Variants in PNPT1 observed in about 807,000 individuals in gnomAD.
PNPT1 encodes polyribonucleotide nucleotidyltransferase 1.
Under a neutral mutation model 119.5 loss-of-function variants are expected in PNPT1, and 53 were observed. The observed-to-expected ratio is 0.44, with a 90% CI of 0.36 to 0.56. The LOEUF is 0.56. PNPT1 is among the 20% of genes least tolerant of loss of function. PNPT1 has a pLI of 0.00. For synonymous variants in PNPT1, 357 were observed against 322.1 expected, an observed-to-expected ratio of 1.11 and a Z score of -1.16; for missense variants, 948 against 938.5, an observed-to-expected ratio of 1.01 and a Z score of -0.13.
chr2:55,640,624 T>C lies in PNPT1; in HGVS notation c.2148+3A>G. ...ATAATAACAATAACATCTGTCTTTT[T>C]ACCTTTCGTTGATCAAGTTGTGTGT... is the stretch of plus-strand genomic sequence containing the variant. On this transcript the variant is annotated splice_donor_region_variant and intron_variant, in intron 26 of 27. Coordinates refer to ENST00000447944, the MANE Select transcript of PNPT1 (RefSeq NM_033109.5). The C allele has an allele frequency of 6.4e-7, 1 of 1,570,878 alleles. No individual in the cohort carries two copies. The highest frequency in any genetic ancestry group is 8.8e-7 in the Non-Finnish European group (1 of 1,142,006).
chr2:55,646,983 G>A (rs1378437234), intron 19 of PNPT1, among the ~76,000 whole-genome samples: 4 of 152,062 alleles, frequency 2.6e-5, no homozygotes, highest in African/African-American at 7.2e-5. Context: ...TTACAGGTGT[G>A]TGCCACCATG....
chr2:55,682,319 G>T (rs916853013), intron 5 of PNPT1, among the ~76,000 whole-genome samples: 10 of 151,642 alleles, frequency 6.6e-5, no homozygotes, highest in African/African-American at 2.4e-4. Context: ...AATTAGCCAG[G>T]TGTGGTGGCA....
In PNPT1 at chr2:55,646,268, G is replaced by C; in HGVS notation, c.1729C>G (p.Gln577Glu). Residue 577 changes from glutamine (Q) to glutamate (E), a missense_variant, in exon 21 of 28, where the codon CAA (glutamine) becomes GAA (glutamate). Transcript: ENST00000447944. ...PIKIVMEAIQ[Q>E]ASVAKKEILQ... ...AAGCACACTAGCTCACCTGAAGCTT[G>C]TTGAATAGCCTCCATCACAATTTTT... is the stretch of plus-strand genomic sequence containing the variant. 2 of 1,612,912 alleles carry C rather than the reference G, an allele frequency of 1.2e-6. No individual in the cohort carries two copies. Among genetic ancestry groups the C allele is most frequent in the Non-Finnish European group, 1.7e-6 (2 of 1,179,126 alleles).
At chr2:55,679,305 G>A (rs1004614943) in intron 8 of PNPT1, among the ~76,000 whole-genome samples, 1 of 151,744 alleles carries the variant, frequency 6.6e-6, no homozygotes, top group Non-Finnish European at 1.5e-5. Flanking sequence ...CTAATAAAAT[G>A]GTTACTACCA....
In PNPT1 at chr2:55,686,453, T is replaced by A. The variant is rs202243908; in HGVS notation, c.223-9A>T. On this transcript the variant is annotated splice_polypyrimidine_tract_variant and intron_variant, in intron 2 of 27. Coordinates refer to ENST00000447944, the MANE Select transcript of PNPT1 (RefSeq NM_033109.5). ...ACTGCAGTGTCACCTGACTTAAACA[T>A]AAAGAACAACGCTGGTAAGTTCCTT... is the stretch of plus-strand genomic sequence containing the variant. 959 of 1,610,670 alleles carry A rather than the reference T, an allele frequency of 6.0e-4. 3 individuals carry two copies. The highest frequency in any genetic ancestry group is 3.1e-3 in the South Asian group (282 of 90,776).
Position 55,659,570 on chromosome 2 carries a change from T to TA in PNPT1, c.1284+586dup, listed in dbSNP as rs1444229181. Among the ~76,000 whole-genome samples the TA allele has an allele frequency of 2.6e-5, 4 of 152,150 alleles. No homozygotes were observed. In the South Asian group the frequency reaches 8.3e-4, roughly 32 times the overall value. ...ATATTGTCTGCTATACTTTAACTTT[T>TA]ACGTATGACTTAGAACAGGAAGTTG... On this transcript the variant is annotated intron_variant, in intron 15 of 27. Coordinates refer to ENST00000447944, the MANE Select transcript of PNPT1 (RefSeq NM_033109.5).
At chr2:55,648,289 C>T (rs928522090) in intron 18 of PNPT1, among the ~76,000 whole-genome samples, 1 of 152,140 alleles carries the variant, frequency 6.6e-6, no homozygotes, top group African/African-American at 2.4e-5. Flanking sequence ...TGACACATAC[C>T]ACCACACAAA....
At chr2:55,691,871 TATATA>T (rs1415237342) in intron 1 of PNPT1, among the ~76,000 whole-genome samples, 1,195 of 17,870 alleles carry the variant, frequency 0.067, 28 homozygotes, top group Non-Finnish European at 0.11. Flanking sequence ...TATATATATA[TATATA>T]TATTTTTTTT....
At chr2:55,693,000 CTCTT>C (rs1697669975) in intron 1 of PNPT1, among the ~76,000 whole-genome samples, 1 of 152,162 alleles carries the variant, frequency 6.6e-6, no homozygotes, top group Non-Finnish European at 1.5e-5. Flanking sequence ...CCCTCTTGGT[CTCTT>C]TTTTTTGCTG....
intron 17 of PNPT1, 109 bp downstream of exon 17, chr2:55,656,022 A>T: frequency 3.7e-6 from 5 of 1,350,896 alleles, no homozygotes; most frequent in Non-Finnish European, 4.9e-6. Flanking sequence ...CTTGCAACAA[A>T]CTTGGGTTCT....
At chr2:55,661,912 A>C in intron 14 of PNPT1, 44 bp downstream of exon 14, 1 of 1,464,466 alleles carries the variant, frequency 6.8e-7, no homozygotes. Flanking sequence ...ATTATATAAT[A>C]GAACATCATA....
intron 13 of PNPT1, among the ~76,000 whole-genome samples, chr2:55,663,020 G>C (rs1485737603): frequency 6.6e-6 from 1 of 152,022 alleles, no homozygotes; most frequent in Non-Finnish European, 1.5e-5. Flanking sequence ...AAGTAGCTGG[G>C]ACTACAGGTG....
At chr2:55,668,566 A>G (rs1018033002) in intron 11 of PNPT1, among the ~76,000 whole-genome samples, 5 of 149,214 alleles carry the variant, frequency 3.4e-5, no homozygotes. Flanking sequence ...TTATGTTACC[A>G]GAAGAATCCA....
At chr2:55,637,023 C>T (rs1017545932) in intron 27 of PNPT1, among the ~76,000 whole-genome samples, 29 of 152,134 alleles carry the variant, frequency 1.9e-4, no homozygotes, top group Admixed American at 9.2e-4. Context: ...TCAGGTCATG[C>T]GTATTAGCGT....
At chr2:55,654,247 A>G (rs1696310161) in intron 18 of PNPT1, among the ~76,000 whole-genome samples, 1 of 128,222 alleles carries the variant, frequency 7.8e-6, no homozygotes, top group Non-Finnish European at 1.6e-5. Flanking sequence ...ACAGAGCGAG[A>G]CTCTGTCTCA....
intron 4 of PNPT1, 64 bp downstream of exon 4, chr2:55,684,879 C>A: frequency 7.2e-7 from 1 of 1,389,848 alleles, no homozygotes; most frequent in Non-Finnish European, 9.5e-7. Context: ...AACACAGATG[C>A]AAGAGAAGAG....
intron 26 of PNPT1, among the ~76,000 whole-genome samples, chr2:55,638,940 A>G (rs899294527): frequency 2.6e-5 from 4 of 151,924 alleles, no homozygotes; most frequent in South Asian, 2.1e-4. Flanking sequence ...ATGCCCAGCT[A>G]ATTTTTTCTA....
In PNPT1 at chr2:55,646,463, G is replaced by C. The variant is rs1259581811; in HGVS notation, c.1626C>G (p.Asp542Glu). Residue 542 changes from aspartate (D) to glutamate (E), a missense_variant, in exon 20 of 28, where the codon GAC becomes GAG. By Grantham distance (45) the Asp-to-Glu change is conservative. Coordinates refer to ENST00000447944, the MANE Select transcript of PNPT1 (RefSeq NM_033109.5). Reference sequence around the variant, plus strand: ...TAGTGCCAGCTATTTTGAAGTCCATGTCACCATTGTAATCTTCAATTCCCT... The same window carrying C: ...TAGTGCCAGCTATTTTGAAGTCCATCTCACCATTGTAATCTTCAATTCCCT... Reference protein sequence around the residue: ...DILGIEDYNGDMDFKIAGTNK... With the variant: ...DILGIEDYNGEMDFKIAGTNK... 1 of 1,612,352 alleles carries C rather than the reference G, an allele frequency of 6.2e-7. No individual in the cohort carries two copies. Among genetic ancestry groups the C allele is most frequent in the Admixed American group, 1.7e-5 (1 of 59,796 alleles).
chr2:55,660,353 T>G (rs1696526468), intron 14 of PNPT1, among the ~76,000 whole-genome samples, 160 bp from the exon 15 acceptor site: 2 of 152,178 alleles, frequency 1.3e-5, no homozygotes, highest in South Asian at 4.1e-4. Flanking sequence ...GAAGGATGAT[T>G]GTGAGATGAT....
Sources: allele counts gnomAD v4.1 joint callset (sites outside exome capture counted in the v4.1 genomes callset), GRCh38; gene constraint gnomAD v4.1.1; transcripts MANE v1.5; gene names NCBI Gene and HGNC (gene_info 2026-07-23, HGNC 2026-07-21).